Variants in DAO observed in about 807,000 individuals in gnomAD.
DAO encodes the protein D-amino-acid oxidase.
DAO carries 51 observed loss-of-function variants against 50.1 expected under a neutral mutation model. That is an observed-to-expected ratio of 1.02 (90% CI 0.81 to 1.29). DAO has a LOEUF of 1.29. Among genes scored for constraint, DAO ranks in the 50% most tolerant of loss-of-function variants. DAO has a pLI of 0.00. For missense variants in DAO, 436 were observed against 439.4 expected, an observed-to-expected ratio of 0.99 and a Z score of 0.07; for synonymous variants, 160 against 166.2, an observed-to-expected ratio of 0.96 and a Z score of 0.29.
intron 7 of DAO, among the ~76,000 whole-genome samples, chr12:108,895,887 A>G (rs532276657): frequency 6.6e-6 from 1 of 152,002 alleles, no homozygotes; most frequent in South Asian, 2.1e-4. Flanking sequence ...TAACAACCAA[A>G]TGAGTGACTG....
rs962930380 is a variant in DAO, at chr12:108,880,244, T to C, written c.-10+20T>C. On this transcript the variant is annotated intron_variant, in intron 1 of 10. Coordinates refer to ENST00000228476, the MANE Select transcript of DAO (RefSeq NM_001917.5). Reference sequence around the variant, plus strand: ...CTTCCGGTGAGTGGCAGATGCACCTTTGAGCTGGGGACAGGGGTTGGGAGA... The same window carrying C: ...CTTCCGGTGAGTGGCAGATGCACCTCTGAGCTGGGGACAGGGGTTGGGAGA... The C allele has an allele frequency of 2.4e-6, 1 of 420,888 alleles. No homozygotes were observed. The highest frequency in any genetic ancestry group is 1.7e-5 in the South Asian group (1 of 58,686). 26.1% of individuals were successfully genotyped at this position (420,888 alleles called of 1,614,324 possible). A position where few individuals can be genotyped will look rare whatever the true frequency, so the allele number is the denominator to read the frequency against.
Position 108,900,214 on chromosome 12 carries a change from C to T in DAO, c.913-190C>T, listed in dbSNP as rs1016101423. The T allele has an allele frequency of 3.3e-5, 20 of 608,196 alleles. No individual in the cohort carries two copies. The African/African-American group carries it at 3.7e-4, about 11-fold the overall frequency. 37.7% of individuals were successfully genotyped at this position (608,196 alleles called of 1,614,324 possible). On this transcript the variant is annotated intron_variant, in intron 10 of 10. Coordinates refer to ENST00000228476, the MANE Select transcript of DAO (RefSeq NM_001917.5). ...TTCCAGATATCCATTTTGTGGCTGC[C>T]CCATCATCTCTTGCAACTGTTCCAG...
intron 3 of DAO, 137 bp from the exon 4 acceptor site, chr12:108,889,332 G>A (rs796269498): frequency 9.7e-6 from 6 of 620,108 alleles, no homozygotes; most frequent in African/African-American, 7.2e-5. Flanking sequence ...CTGGTCTGGA[G>A]CTCCTGACCT....
intron 7 of DAO, among the ~76,000 whole-genome samples, chr12:108,896,217 T>C (rs1004538955): frequency 1.3e-5 from 2 of 149,796 alleles, no homozygotes; most frequent in African/African-American, 4.9e-5. Context: ...AGGTCAGGAG[T>C]TCGAGACCAG....
chr12:108,894,513 A>G (rs1362457470), intron 7 of DAO, 146 bp downstream of exon 7: 2 of 674,792 alleles, frequency 3.0e-6, no homozygotes, highest in Non-Finnish European at 5.2e-6. Flanking sequence ...AAAAAAAACA[A>G]ACCTGTCCCA....
In DAO at chr12:108,898,689, G is replaced by A. The variant is rs2039588602; in HGVS notation, c.706G>A (p.Val236Ile). 1 of 1,610,640 alleles carries A rather than the reference G, an allele frequency of 6.2e-7. No homozygotes were observed. The highest frequency in any genetic ancestry group is 1.7e-5 in the Admixed American group (1 of 59,974). ...CTCATTTGTATCTAGGACCCAGACA[G>A]TTACTCTTGGAGGCATCTTCCAGTT... ...SPYIIPGTQT[V>I]TLGGIFQLGN... Residue 236 changes from valine (V) to isoleucine (I), a missense_variant, in exon 9 of 11, where the codon GTT becomes ATT. Val to Ile is a conservative substitution (Grantham distance 29). Coordinates refer to ENST00000228476, the MANE Select transcript of DAO (RefSeq NM_001917.5).
intron 3 of DAO, 94 bp downstream of exon 3, chr12:108,887,658 G>A: frequency 1.1e-6 from 1 of 884,664 alleles, no homozygotes; most frequent in Admixed American, 1.7e-5. Context: ...ATGAGGGCGG[G>A]GTGCTTTGAG....
chr12:108,881,318 G>C (rs549498752), intron 1 of DAO, among the ~76,000 whole-genome samples: 1 of 151,894 alleles, frequency 6.6e-6, no homozygotes, highest in African/African-American at 2.4e-5. Flanking sequence ...GCAACAACAC[G>C]AAAATGTCCA....
At chr12:108,882,731 G>T (rs565715049) in intron 1 of DAO, among the ~76,000 whole-genome samples, 4 of 152,174 alleles carry the variant, frequency 2.6e-5, no homozygotes, top group Admixed American at 1.3e-4. Flanking sequence ...CCCAAGTCAG[G>T]CTGCGAACCT....
chr12:108,892,191 C>G (rs1380733258), intron 5 of DAO, among the ~76,000 whole-genome samples: 1 of 110,522 alleles, frequency 9.0e-6, no homozygotes, highest in Admixed American at 1.3e-4. Flanking sequence ...GAGACAGAGT[C>G]TTGCTCTGTC....
intron 7 of DAO, among the ~76,000 whole-genome samples, chr12:108,896,445 G>GAAAAAAAAA (rs2039558419): frequency 8.1e-6 from 1 of 123,322 alleles, no homozygotes; most frequent in African/African-American, 3.3e-5. Flanking sequence ...AAAAAAAATT[G>GAAAAAAAAA]AAGGTTTGAA....
intron 7 of DAO, among the ~76,000 whole-genome samples, chr12:108,894,724 ATTG>A (rs534275234): frequency 9.7e-4 from 148 of 152,006 alleles, no homozygotes; most frequent in African/African-American, 3.5e-3. Context: ...TATTATTATC[ATTG>A]TTATTATTAT....
intron 1 of DAO, 90 bp from the exon 2 acceptor site, chr12:108,884,908 C>A: frequency 8.0e-7 from 1 of 1,255,338 alleles, no homozygotes; most frequent in Non-Finnish European, 1.2e-6. Context: ...TGTCTGGCAC[C>A]TTCTAAGCCT....
intron 1 of DAO, among the ~76,000 whole-genome samples, chr12:108,883,361 T>C (rs1168408987): frequency 6.6e-6 from 1 of 152,212 alleles, no homozygotes; most frequent in Admixed American, 6.5e-5. Flanking sequence ...TTGGCCAGAC[T>C]GGTCTTGAAG....
Position 108,894,301 on chromosome 12 carries a change from T to A in DAO, c.546T>A (p.Thr182=), listed in dbSNP as rs748120086. 6.2e-7 allele frequency: 1 copy of A among 1,614,016 alleles called. No individual in the cohort carries two copies. Among genetic ancestry groups the A allele is most frequent in the Non-Finnish European group, 8.5e-7 (1 of 1,179,988 alleles). ...GCGCAGACGTGATTGTCAACTGCAC[T>A]GGGGTATGGGCTGGGGCGCTACAAC... ...REGADVIVNC[T]GVWAGALQRD... Residue 182 remains threonine (T), a synonymous_variant, in exon 7 of 11, where the codon ACT becomes ACA. Transcript: ENST00000228476.
rs2039420818 is a variant in DAO, at chr12:108,885,092, C to A, written c.86C>A (p.Pro29Gln). Residue 29 changes from proline (P) to glutamine (Q), a missense_variant, in exon 2 of 11, where the codon CCA becomes CAA. By Grantham distance (76) the Pro-to-Gln change is moderately conservative. Coordinates refer to ENST00000228476, the MANE Select transcript of DAO (RefSeq NM_001917.5). ...IHERYHSVLQ[P>Q]LDIKVYADRF... ...GAGCGCTACCACTCAGTCCTGCAGCCACTGGACATAAAGGTCTACGCGGAC... is the reference window on the plus strand; with the variant it reads ...GAGCGCTACCACTCAGTCCTGCAGCAACTGGACATAAAGGTCTACGCGGAC... 2.5e-6 allele frequency: 4 copies of A among 1,614,190 alleles called. No homozygotes were observed. The East Asian group carries it at 8.9e-5, about 36-fold the overall frequency.
chr12:108,887,968 C>T (rs1852109364), intron 3 of DAO, among the ~76,000 whole-genome samples: 1 of 152,188 alleles, frequency 6.6e-6, no homozygotes, highest in South Asian at 2.1e-4. Context: ...TATTATGTGC[C>T]AGGTCCAGTC....
chr12:108,885,338 G>A (rs1376324576), intron 2 of DAO, 138 bp downstream of exon 2: 1 of 842,968 alleles, frequency 1.2e-6, no homozygotes, highest in Non-Finnish European at 1.9e-6. Flanking sequence ...GCCAGGCGTG[G>A]TGGTTCACGC....
At chr12:108,900,217 A>C in intron 10 of DAO, 187 bp from the exon 11 acceptor site, 6 of 622,074 alleles carry the variant, frequency 9.6e-6, no homozygotes. Flanking sequence ...TGGCTGCCCC[A>C]TCATCTCTTG....
Sources: gnomAD v4.1 joint callset for allele counts (sites outside exome capture counted in the v4.1 genomes callset) on GRCh38, gnomAD v4.1.1 for gene constraint, MANE v1.5 for transcripts, NCBI Gene and HGNC (gene_info 2026-07-23, HGNC 2026-07-21) for gene names.